The following PLSCR2 variants were observed in gnomAD, a reference collection of about 807,000 sequenced individuals.
PLSCR2 encodes the protein PL scramblase 2.
PLSCR2 carries 18 observed loss-of-function variants against 25.3 expected under a neutral mutation model. That is an observed-to-expected ratio of 0.71 (90% CI 0.49 to 1.06). The LOEUF is 1.06. Ranked by LOEUF, PLSCR2 falls within the 50% of genes least tolerant of loss-of-function variation. The probability of loss-of-function intolerance (pLI) is 0.00; values close to 1 mark genes in which losing one functional copy is unlikely to be tolerated. For missense variants in PLSCR2, 243 were observed against 269.5 expected (o/e 0.90, Z 0.69); for synonymous variants, 88 against 87.3 (o/e 1.01, Z -0.04).
chr3:146,493,783 G>GT (rs34986699), intron 1 of PLSCR2, among the ~76,000 whole-genome samples: 4,602 of 54,784 alleles, frequency 0.084, 500 homozygotes, highest in East Asian at 0.095. Flanking sequence ...CCAAGGTGGC[G>GT]TTTTTTTTTT....
intron 1 of PLSCR2, among the ~76,000 whole-genome samples, chr3:146,482,383 AAAAC>A (rs372033480): frequency 9.6e-4 from 146 of 152,338 alleles, no homozygotes; most frequent in East Asian, 2.9e-3. Context: ...TTACAAGAAA[AAAAC>A]AAACAACCCC....
chr3:146,453,479 C>G (rs1014298166), intron 5 of PLSCR2, among the ~76,000 whole-genome samples: 2 of 151,806 alleles, frequency 1.3e-5, no homozygotes, highest in Non-Finnish European at 2.9e-5. Flanking sequence ...TTCCAATGAC[C>G]TAATTTAATA....
chr3:146,402,615 G>A (rs1456093717), intron 2 of PLSCR2, among the ~76,000 whole-genome samples: 2 of 152,014 alleles, frequency 1.3e-5, no homozygotes, highest in Middle Eastern at 3.4e-3. Flanking sequence ...CTACAGGCGC[G>A]TGCCACCATA....
chr3:146,418,187 T>A (rs1273275194), intron 2 of PLSCR2, among the ~76,000 whole-genome samples: 1 of 152,204 alleles, frequency 6.6e-6, no homozygotes, highest in Non-Finnish European at 1.5e-5. Context: ...GATATAGGTA[T>A]GTTGGGGAAC....
At chr3:146,494,131 G>A (rs376822617) in intron 1 of PLSCR2, among the ~76,000 whole-genome samples, 195 of 152,016 alleles carry the variant, frequency 1.3e-3, no homozygotes, top group African/African-American at 4.4e-3. Context: ...GTTAATGTTC[G>A]GAGTTCTAAA....
At chr3:146,475,376 G>T (rs1576718768) in intron 1 of PLSCR2, among the ~76,000 whole-genome samples, 1 of 152,104 alleles carries the variant, frequency 6.6e-6, no homozygotes, top group East Asian at 1.9e-4. Flanking sequence ...TTTTGTTGTT[G>T]TCAGGTTCCT....
intron 8 of PLSCR2, among the ~76,000 whole-genome samples, chr3:146,434,119 C>T (rs1437818400): frequency 6.6e-6 from 1 of 152,070 alleles, no homozygotes. Flanking sequence ...TATATGTCTT[C>T]CCTTTCTTTT....
In PLSCR2 at chr3:146,483,461, ATATATATATATACATGTG is replaced by A. The variant is rs1560054861; in HGVS notation, c.-293+12416_-293+12433del. On this transcript the variant is annotated intron_variant, in intron 1 of 8. Coordinates refer to the PLSCR2 transcript ENST00000336685. Reference sequence around the variant, plus strand: ...TATATATACACATGTATGTATATATATATATATATATACATGTGTATATATATATATATATATATATAT... The same window carrying A: ...TATATATACACATGTATGTATATATATATATATATATATATATATATATAT... Among the ~76,000 whole-genome samples the A allele has an allele frequency of 1.2e-3, 72 of 58,992 alleles. 2 individuals are homozygous for A. Among genetic ancestry groups the A allele is most frequent in the South Asian group, 4.9e-3 (8 of 1,628 alleles). 38.7% of individuals were successfully genotyped at this position (58,992 alleles called of 152,430 possible). A position where few individuals can be genotyped will look rare whatever the true frequency, so the allele number is the denominator to read the frequency against.
chr3:146,408,079 TAA>T (rs2038718947), intron 2 of PLSCR2, among the ~76,000 whole-genome samples: 1 of 152,128 alleles, frequency 6.6e-6, no homozygotes, highest in African/African-American at 2.4e-5. Flanking sequence ...CACTTTGAAG[TAA>T]AGTCTCTACA....
chr3:146,485,031 T>C (rs561650151), intron 1 of PLSCR2, among the ~76,000 whole-genome samples: 5 of 151,768 alleles, frequency 3.3e-5, no homozygotes, highest in Non-Finnish European at 7.4e-5. Flanking sequence ...GTGTGCTGTA[T>C]TCAGGAGACC....
At chr3:146,483,819 T>C (rs1002408760) in intron 1 of PLSCR2, among the ~76,000 whole-genome samples, 3 of 146,870 alleles carry the variant, frequency 2.0e-5, no homozygotes, top group Non-Finnish European at 4.5e-5. Flanking sequence ...CACAAATTCA[T>C]GAAGACGAGA....
intron 1 of PLSCR2, among the ~76,000 whole-genome samples, chr3:146,470,235 A>G (rs2042064573): frequency 6.6e-6 from 1 of 152,132 alleles, no homozygotes; most frequent in African/African-American, 2.4e-5. Flanking sequence ...ATAAATAAAT[A>G]CATATTGCAC....
intron 3 of PLSCR2, among the ~76,000 whole-genome samples, chr3:146,456,973 CTTAA>C (rs1412720529): frequency 6.6e-6 from 1 of 151,714 alleles, no homozygotes; most frequent in African/African-American, 2.4e-5. Flanking sequence ...ATTTTATAAT[CTTAA>C]TTATATATTC....
intron 5 of PLSCR2, among the ~76,000 whole-genome samples, chr3:146,450,177 G>A (rs1296329568): frequency 6.6e-6 from 1 of 152,134 alleles, no homozygotes; most frequent in African/African-American, 2.4e-5. Context: ...CAAACTACAT[G>A]TTAAGAGTTA....
rs76675984 is a variant in PLSCR2 at position 146,471,915 on chromosome 3, T to C, written c.-292-11631A>G. Among the ~76,000 whole-genome samples the C allele has an allele frequency of 7.6e-4, 116 of 152,338 alleles. 1 individual carries two copies. The East Asian group carries it at 0.02, about 27-fold the overall frequency. ...TCTCTGGCTTGAAACTTATTTAAGG[T>C]TGCTTTCACCACACAGAAATTTTTA... On this transcript the variant is annotated intron_variant, in intron 1 of 8. Coordinates refer to the PLSCR2 transcript ENST00000336685.
chr3:146,494,230 A>G (rs1216392944), intron 1 of PLSCR2, among the ~76,000 whole-genome samples: 2 of 152,152 alleles, frequency 1.3e-5, no homozygotes, highest in Non-Finnish European at 1.5e-5. Context: ...TGTTTTGTGC[A>G]TATGAAATTG....
chr3:146,391,986 T>TATACCCTGG (rs1157336929), intron 3 of PLSCR2, among the ~76,000 whole-genome samples: 1 of 152,150 alleles, frequency 6.6e-6, no homozygotes, highest in Admixed American at 6.5e-5. Context: ...ATAATATGCT[T>TATACCCTGG]ATACCCTGGT....
At chr3:146,401,918 T>C (rs1162472023) in intron 2 of PLSCR2, among the ~76,000 whole-genome samples, 1 of 151,790 alleles carries the variant, frequency 6.6e-6, no homozygotes, top group Non-Finnish European at 1.5e-5. Context: ...TTCTGGATAG[T>C]AGAAATAAAA....
At chr3:146,471,919 T>A (rs1262687600) in intron 1 of PLSCR2, among the ~76,000 whole-genome samples, 1 of 152,230 alleles carries the variant, frequency 6.6e-6, no homozygotes, top group African/African-American at 2.4e-5. Context: ...TTAAGGTTGC[T>A]TTCACCACAC....
Sources: allele counts gnomAD v4.1 joint callset (sites outside exome capture counted in the v4.1 genomes callset), GRCh38; gene constraint gnomAD v4.1.1; transcripts MANE v1.5; gene names NCBI Gene and HGNC (gene_info 2026-07-23, HGNC 2026-07-21).